The following RYR2 variants were observed in gnomAD, a reference collection of about 807,000 sequenced individuals.
RYR2 encodes cardiac muscle ryanodine receptor-calcium release channel.
In RYR2, 227 loss-of-function variants were observed where a neutral mutation model predicts 601.1. The ratio of observed to expected loss-of-function variants is 0.38; its 90% CI spans 0.34 to 0.42. The LOEUF is 0.42. RYR2 is among the 10% of genes least tolerant of loss of function. The pLI is 1.00. For synonymous variants in RYR2, 2,223 were observed against 2,175.1 expected (o/e 1.02, Z -0.61); for missense variants, 4,646 against 6,156.5 (o/e 0.75, Z 8.21).
intron 29 of RYR2, among the ~76,000 whole-genome samples, chr1:237,582,923 G>GAGATAT (rs373412605): frequency 7.5e-6 from 1 of 133,132 alleles, no homozygotes; most frequent in African/African-American, 2.8e-5. Context: ...TTTTCTTTTG[G>GAGATAT]ATATATATAT....
intron 39 of RYR2, among the ~76,000 whole-genome samples, chr1:237,624,099 A>C (rs896416861): frequency 6.6e-6 from 1 of 152,272 alleles, no homozygotes; most frequent in East Asian, 1.9e-4. Context: ...GCAGAAGATG[A>C]CCAAAATTCT....
intron 17 of RYR2, among the ~76,000 whole-genome samples, chr1:237,473,868 G>A (rs1445431124): frequency 6.6e-6 from 1 of 152,056 alleles, no homozygotes; most frequent in African/African-American, 2.4e-5. Context: ...CATTTACATG[G>A]CCAATAGACA....
At chr1:237,397,668 G>T (rs1048420910) in intron 10 of RYR2, among the ~76,000 whole-genome samples, 4 of 151,882 alleles carry the variant, frequency 2.6e-5, no homozygotes, top group Admixed American at 1.3e-4. Flanking sequence ...ACCTGTAGGG[G>T]TAGGGGACTT....
At chr1:237,657,567 A>T (rs2148829697) in intron 53 of RYR2, among the ~76,000 whole-genome samples, 1 of 151,938 alleles carries the variant, frequency 6.6e-6, no homozygotes, top group East Asian at 1.9e-4. Flanking sequence ...TATATTTAAA[A>T]ATTTTAACAC....
chr1:237,158,792 A>C (rs1195135269), intron 1 of RYR2, among the ~76,000 whole-genome samples: 3 of 152,242 alleles, frequency 2.0e-5, no homozygotes, highest in Non-Finnish European at 4.4e-5. Context: ...GAATGAATGA[A>C]TGAATGGAGA....
intron 1 of RYR2, among the ~76,000 whole-genome samples, chr1:237,225,123 A>G (rs1433421175): frequency 6.6e-6 from 1 of 152,154 alleles, no homozygotes; most frequent in Non-Finnish European, 1.5e-5. Flanking sequence ...CAGTGTTTTG[A>G]AGTCTGAGTA....
intron 84 of RYR2, among the ~76,000 whole-genome samples, chr1:237,767,492 A>T (rs1050218380): frequency 6.6e-6 from 1 of 152,176 alleles, no homozygotes; most frequent in Non-Finnish European, 1.5e-5. Flanking sequence ...TTACCAGTCG[A>T]TAGCTATATG....
intron 2 of RYR2, among the ~76,000 whole-genome samples, chr1:237,330,020 T>C (rs893679961): frequency 4.6e-5 from 7 of 152,380 alleles, no homozygotes; most frequent in African/African-American, 1.7e-4. Flanking sequence ...GGGAATATTT[T>C]ATACTAATTC....
intron 1 of RYR2, among the ~76,000 whole-genome samples, chr1:237,197,295 A>G (rs1197546171): frequency 3.9e-5 from 6 of 152,194 alleles, no homozygotes; most frequent in African/African-American, 1.4e-4. Flanking sequence ...GGCATTAACT[A>G]TGATATTTGC....
chr1:237,788,153 G>T lies in RYR2; in HGVS notation c.13476+18G>T. ...AACTTCTAGTAAGATGTTTTAGAAT[G>T]AATATTGTTACTGATATAGTGCAAT... On this transcript the variant is annotated intron_variant, in intron 92 of 104. Coordinates refer to ENST00000366574, the MANE Select transcript of RYR2 (RefSeq NM_001035.3). 1 of 1,585,138 alleles carries T rather than the reference G, an allele frequency of 6.3e-7. No individual in the cohort carries two copies. The highest frequency in any genetic ancestry group is 8.6e-7 in the Non-Finnish European group (1 of 1,159,056).
chr1:237,536,802 C>T (rs1197443134), intron 25 of RYR2, among the ~76,000 whole-genome samples: 17 of 148,772 alleles, frequency 1.1e-4, no homozygotes, highest in African/African-American at 2.3e-4. Flanking sequence ...AGGAGAATGG[C>T]GTGAACCCGG....
intron 1 of RYR2, among the ~76,000 whole-genome samples, chr1:237,264,457 T>C (rs2149324375): frequency 6.6e-6 from 1 of 152,296 alleles, no homozygotes; most frequent in East Asian, 1.9e-4. Flanking sequence ...TTCTTCACTA[T>C]TGAGAAAGAT....
At chr1:237,142,340 G>C (rs1673480955) in intron 1 of RYR2, among the ~76,000 whole-genome samples, 2 of 152,172 alleles carry the variant, frequency 1.3e-5, no homozygotes, top group Non-Finnish European at 2.9e-5. Flanking sequence ...CTGTATTTTT[G>C]GTAATATCCC....
intron 1 of RYR2, among the ~76,000 whole-genome samples, chr1:237,095,161 T>A (rs1310752984): frequency 6.6e-6 from 1 of 152,248 alleles, no homozygotes; most frequent in South Asian, 2.1e-4. Flanking sequence ...CCTAAAAGTG[T>A]TAGAGACAAC....
At chr1:237,828,557 A>G in intron 102 of RYR2, 112 bp downstream of exon 102, 4 of 689,310 alleles carry the variant, frequency 5.8e-6, no homozygotes, top group Non-Finnish European at 9.7e-6. Flanking sequence ...GAAGGGCACA[A>G]CTTGTGGTTT....
At chr1:237,373,508 T>C (rs1335982952) in intron 6 of RYR2, among the ~76,000 whole-genome samples, 1 of 152,258 alleles carries the variant, frequency 6.6e-6, no homozygotes, top group Non-Finnish European at 1.5e-5. Flanking sequence ...TTGCTGGCAG[T>C]GCACTTGCTT....
chr1:237,108,683 G>C (rs2148570882), intron 1 of RYR2, among the ~76,000 whole-genome samples: 1 of 152,298 alleles, frequency 6.6e-6, no homozygotes, highest in South Asian at 2.1e-4. Flanking sequence ...GGGTGGAGGA[G>C]AGTCCCTCCT....
intron 17 of RYR2, among the ~76,000 whole-genome samples, chr1:237,487,786 A>G (rs7535046): frequency 0.27 from 39,830 of 147,358 alleles, 5,494 homozygotes; most frequent in Middle Eastern, 0.4. Flanking sequence ...TGGCCATCTA[A>G]TATGCCTGCA....
At chr1:237,445,807 T>C (rs1558830827) in intron 14 of RYR2, among the ~76,000 whole-genome samples, 1 of 151,996 alleles carries the variant, frequency 6.6e-6, no homozygotes, top group South Asian at 2.1e-4. Context: ...ACCTATTTAG[T>C]TCCTTTTTCT....
Sources: gnomAD v4.1 joint callset for allele counts (sites outside exome capture counted in the v4.1 genomes callset) on GRCh38, gnomAD v4.1.1 for gene constraint, MANE v1.5 for transcripts, NCBI Gene and HGNC (gene_info 2026-07-23, HGNC 2026-07-21) for gene names.